The following PDE1A variants were observed in gnomAD, a reference collection of about 807,000 sequenced individuals.
PDE1A encodes the protein phosphodiesterase 1A.
Under a neutral mutation model 61.7 loss-of-function variants are expected in PDE1A, and 35 were observed. That is an observed-to-expected ratio of 0.57 (90% CI 0.43 to 0.75). The LOEUF (loss-of-function observed/expected upper bound fraction) is 0.75, where lower values mean the gene tolerates loss of function less well. Ranked by LOEUF, PDE1A falls within the 30% of genes least tolerant of loss-of-function variation. PDE1A has a pLI of 0.00. For missense variants in PDE1A, 597 were observed against 630.6 expected, an observed-to-expected ratio of 0.95 and a Z score of 0.57; for synonymous variants, 232 against 213.2, an observed-to-expected ratio of 1.09 and a Z score of -0.77.
At chr2:182,317,930 C>T (rs988045303) in intron 1 of PDE1A, among the ~76,000 whole-genome samples, 1 of 152,086 alleles carries the variant, frequency 6.6e-6, no homozygotes, top group Non-Finnish European at 1.5e-5. Flanking sequence ...ATTTATATCT[C>T]TTAATGCATG....
chr2:182,589,048 A>G, the PDE1A span, among the ~76,000 whole-genome samples: 7 of 3,670 alleles, frequency 1.9e-3, no homozygotes, highest in African/African-American at 9.0e-3. Flanking sequence ...GTCTCAAAAT[A>G]ATAATAATAA....
chr2:182,217,466 T>A (rs1175972645), intron 7 of PDE1A, among the ~76,000 whole-genome samples: 1 of 121,466 alleles, frequency 8.2e-6, no homozygotes, highest in Non-Finnish European at 1.7e-5. Flanking sequence ...GAAACTACCA[T>A]CAGAGTGAAC....
chr2:182,569,402 T>G, the PDE1A span, among the ~76,000 whole-genome samples: 1 of 152,124 alleles, frequency 6.6e-6, no homozygotes, highest in African/African-American at 2.4e-5. Flanking sequence ...AGGGAGGCAC[T>G]ATATTCAGCT....
intron 1 of PDE1A, among the ~76,000 whole-genome samples, chr2:182,417,059 T>C (rs566103985): frequency 6.6e-6 from 1 of 152,346 alleles, no homozygotes; most frequent in South Asian, 2.1e-4. Context: ...ACACACTGTA[T>C]GGCCCTGGAC....
chr2:182,490,445 C>T (rs2125879078), intron 2 of PDE1A, among the ~76,000 whole-genome samples: 1 of 152,348 alleles, frequency 6.6e-6, no homozygotes, highest in Non-Finnish European at 1.5e-5. Flanking sequence ...GACCTCGGCT[C>T]ACTGCAAACT....
chr2:182,402,753 G>C (rs1448853529), intron 1 of PDE1A, among the ~76,000 whole-genome samples: 1 of 152,092 alleles, frequency 6.6e-6, no homozygotes, highest in African/African-American at 2.4e-5. Context: ...CTACAGAATG[G>C]GAGAAAATTC....
the PDE1A span, among the ~76,000 whole-genome samples, chr2:182,648,529 A>AAAG: frequency 1.3e-5 from 2 of 148,860 alleles, no homozygotes; most frequent in African/African-American, 4.9e-5. Context: ...AAAAAAAAAA[A>AAAG]AAAAATTAAA....
intron 7 of PDE1A, among the ~76,000 whole-genome samples, chr2:182,223,147 G>A (rs1688864113): frequency 1.3e-5 from 2 of 152,006 alleles, no homozygotes; most frequent in Admixed American, 6.6e-5. Flanking sequence ...ACACTGGGGT[G>A]CATGTGCTCA....
At chr2:182,658,245 T>C in the PDE1A span, among the ~76,000 whole-genome samples, 1 of 152,168 alleles carries the variant, frequency 6.6e-6, no homozygotes. Flanking sequence ...AGGCTCTACA[T>C]ATGAATCTCT....
chr2:182,285,065 C>A (rs1401191038), intron 1 of PDE1A, among the ~76,000 whole-genome samples: 1 of 152,092 alleles, frequency 6.6e-6, no homozygotes, highest in African/African-American at 2.4e-5. Context: ...CTCTTCATAG[C>A]AAACTTGCAC....
At chr2:182,304,025 C>T (rs969684918) in intron 1 of PDE1A, among the ~76,000 whole-genome samples, 2 of 151,540 alleles carry the variant, frequency 1.3e-5, no homozygotes, top group African/African-American at 2.4e-5. Flanking sequence ...CTCAGCCTCC[C>T]GAGTAGCTGG....
chr2:182,446,755 G>A (rs1383194392), intron 2 of PDE1A, among the ~76,000 whole-genome samples: 1 of 151,916 alleles, frequency 6.6e-6, no homozygotes, highest in East Asian at 1.9e-4. Context: ...GCCTTCTCTG[G>A]TAGAGAATAA....
At chr2:182,143,013 G>A (rs1690300124), downstream of PDE1A, 1 of 152,194 alleles carries the variant, frequency 6.6e-6, no homozygotes, top group South Asian at 2.1e-4. Flanking sequence ...GAGAATTTAG[G>A]ATGTTTTCAT....
the PDE1A span, among the ~76,000 whole-genome samples, chr2:182,597,449 C>T: frequency 2.0e-5 from 3 of 152,166 alleles, no homozygotes; most frequent in African/African-American, 4.8e-5. Flanking sequence ...GAGAAGCCAG[C>T]GCTTGCAGGC....
the PDE1A span, among the ~76,000 whole-genome samples, chr2:182,546,768 A>G: frequency 1.4e-3 from 220 of 152,342 alleles, 2 homozygotes; most frequent in East Asian, 0.014. Context: ...GAAAGGATTC[A>G]CCTAAATGAA....
intron 2 of PDE1A, among the ~76,000 whole-genome samples, chr2:182,456,781 C>A (rs1685948207): frequency 6.6e-6 from 1 of 152,106 alleles, no homozygotes; most frequent in Non-Finnish European, 1.5e-5. Flanking sequence ...TCAGTGTATA[C>A]TACAACTGCC....
At chr2:182,194,047 G>A (rs1685932800) in intron 10 of PDE1A, among the ~76,000 whole-genome samples, 1 of 152,032 alleles carries the variant, frequency 6.6e-6, no homozygotes, top group African/African-American at 2.4e-5. Flanking sequence ...ACAATTCAAG[G>A]TAAAGTAAAC....
intron 1 of PDE1A, among the ~76,000 whole-genome samples, chr2:182,303,782 C>T (rs1000556215): frequency 6.6e-6 from 1 of 152,232 alleles, no homozygotes; most frequent in Non-Finnish European, 1.5e-5. Flanking sequence ...TTTAAGGAAA[C>T]TACCTCATCA....
the PDE1A span, among the ~76,000 whole-genome samples, chr2:182,581,375 T>C: frequency 6.6e-6 from 1 of 152,132 alleles, no homozygotes; most frequent in Admixed American, 6.6e-5. Context: ...AGAAAATAGC[T>C]GCAGACTCTC....
Sources: gnomAD v4.1 joint callset for allele counts (sites outside exome capture counted in the v4.1 genomes callset) on GRCh38, gnomAD v4.1.1 for gene constraint, MANE v1.5 for transcripts, NCBI Gene and HGNC (gene_info 2026-07-23, HGNC 2026-07-21) for gene names.